CEACAM4: variants seen among roughly 807,000 people sequenced by gnomAD.
CEACAM4 encodes CEA cell adhesion molecule 4.
In CEACAM4, 30 loss-of-function variants were observed where a neutral mutation model predicts 28.7. The observed-to-expected ratio is 1.05, with a 90% CI of 0.78 to 1.42. The LOEUF is 1.42. CEACAM4 is among the 40% of genes most tolerant of loss of function. CEACAM4 has a pLI of 0.00. For missense variants in CEACAM4, 330 were observed against 308.2 expected (o/e 1.07, Z -0.53); for synonymous variants, 143 against 126.5 (o/e 1.13, Z -0.87).
At chr19:41,625,497 G>T in intron 2 of CEACAM4, 104 bp downstream of exon 2, 1 of 1,377,784 alleles carries the variant, frequency 7.3e-7, no homozygotes, top group Non-Finnish European at 9.9e-7. Context: ...CTCAACACGG[G>T]ACAAAATGCA....
downstream of CEACAM4, among the ~76,000 whole-genome samples, chr19:41,616,880 G>A (rs782359856): frequency 6.6e-6 from 1 of 152,178 alleles, no homozygotes; most frequent in Non-Finnish European, 1.5e-5. Flanking sequence ...TCACCATGAG[G>A]CCAAAGCAGG....
At chr19:41,618,229 G>A (rs376087053), downstream of CEACAM4, among the ~76,000 whole-genome samples, 1 of 152,156 alleles carries the variant, frequency 6.6e-6, no homozygotes, top group African/African-American at 2.4e-5. Flanking sequence ...TTGTCCCATC[G>A]CCATGGGAGC....
rs1041993 is a variant in CEACAM4, at chr19:41,619,289, G to A, written c.*41C>T. Reference sequence around the variant, plus strand: ...CCCGTCCCCAGGGCTGGGAGCTTCGGGGACGCTCCATCAACCCACAAGAGC... The same window carrying A: ...CCCGTCCCCAGGGCTGGGAGCTTCGAGGACGCTCCATCAACCCACAAGAGC... On this transcript the variant is annotated 3_prime_UTR_variant, in exon 7 of 7. Transcript: ENST00000221954. 8.9e-5 allele frequency: 139 copies of A among 1,553,844 alleles called. No individual in the cohort carries two copies. Among genetic ancestry groups the A allele is most frequent in the Admixed American group, 2.3e-4 (14 of 59,748 alleles).
downstream of CEACAM4, among the ~76,000 whole-genome samples, chr19:41,616,436 A>G (rs1346529331): frequency 6.6e-6 from 1 of 152,086 alleles, no homozygotes; most frequent in Non-Finnish European, 1.5e-5. Flanking sequence ...TGTTCATAGT[A>G]TGCAGTTTTG....
At chr19:41,626,063 A>AGTGTGTGTGTGT (rs61710351) in intron 1 of CEACAM4, 103 bp from the exon 2 acceptor site, 35 of 653,404 alleles carry the variant, frequency 5.4e-5, no homozygotes, top group African/African-American at 3.4e-4. Flanking sequence ...TCAGCCTTGG[A>AGTGTGTGTGTGT]GTGTGTGTGT....
chr19:41,616,528 GATAGA>G, downstream of CEACAM4, among the ~76,000 whole-genome samples: 1 of 150,566 alleles, frequency 6.6e-6, no homozygotes. Flanking sequence ...TAGATAGATA[GATAGA>G]TAGATAGATA....
downstream of CEACAM4, among the ~76,000 whole-genome samples, chr19:41,618,462 C>T (rs2071049650): frequency 6.6e-6 from 1 of 152,138 alleles, no homozygotes; most frequent in Non-Finnish European, 1.5e-5. Context: ...TAAAGATGTC[C>T]TGAGCAGTAG....
downstream of CEACAM4, among the ~76,000 whole-genome samples, chr19:41,614,770 A>C (rs1568637844): frequency 6.6e-6 from 1 of 152,138 alleles, no homozygotes; most frequent in South Asian, 2.1e-4. Context: ...CAAGGCTGAC[A>C]GTGAGTGGTG....
rs572811838 is a variant in CEACAM4 at position 41,620,302 on chromosome 19, G to C, written c.596-60C>G. On this transcript the variant is annotated intron_variant, in intron 4 of 6. Transcript: ENST00000221954. ...GAGGAGAGCCTGGGCCCCTCCTGCAGGAGAGTGTAGGGGTCCTCAGCTCCC... is the reference window on the plus strand; with the variant it reads ...GAGGAGAGCCTGGGCCCCTCCTGCACGAGAGTGTAGGGGTCCTCAGCTCCC... The C allele has an allele frequency of 2.7e-5, 37 of 1,354,072 alleles. No homozygotes were observed. In the East Asian group the frequency reaches 7.3e-4, roughly 27 times the overall value. 83.9% of individuals were successfully genotyped at this position (1,354,072 alleles called of 1,614,324 possible). A position where few individuals can be genotyped will look rare whatever the true frequency, so the allele number is the denominator to read the frequency against.
At position 41,621,742 on chromosome 19, in the gene CEACAM4, C is replaced by G. The variant is rs782105663; in HGVS notation, c.451G>C (p.Gly151Arg). 3 of 1,612,172 alleles carry G rather than the reference C, an allele frequency of 1.9e-6. No homozygotes were observed. The highest frequency in any genetic ancestry group is 1.7e-5 in the Admixed American group (1 of 59,966). The change falls in exon 3 of 7, where the codon GGG (glycine) becomes CGG (arginine). Residue 151 changes from glycine (G) to arginine (R), a missense_variant. Gly to Arg is a moderately radical substitution (Grantham distance 125, BLOSUM62 -2). Transcript: ENST00000221954. ...HQNNVPGLPV[G>R]AVAGIVTGVL... The stretch of plus-strand genomic sequence containing the variant: ...CCAGTCACGATGCCAGCGACGGCCC[C>G]CACAGGAAGGCCTGGGACGTTGTTT...
chr19:41,615,448 C>T (rs1489447572), downstream of CEACAM4, among the ~76,000 whole-genome samples: 4 of 152,078 alleles, frequency 2.6e-5, no homozygotes, highest in East Asian at 1.9e-4. Flanking sequence ...TTGTCAGACA[C>T]GTGCCTTGGG....
intron 5 of CEACAM4, 146 bp downstream of exon 5, chr19:41,620,065 G>A (rs942577088): frequency 3.9e-5 from 29 of 744,356 alleles, no homozygotes; most frequent in African/African-American, 5.6e-5. Context: ...AGAGAGGCCC[G>A]GATCCTGGCC....
intron 2 of CEACAM4, among the ~76,000 whole-genome samples, chr19:41,625,393 G>A (rs1259256582): frequency 1.3e-5 from 2 of 151,720 alleles, no homozygotes; most frequent in African/African-American, 2.4e-5. Flanking sequence ...CCCCGCCCCC[G>A]CCATCAGTGT....
At chr19:41,626,737 T>C (rs570667145) in intron 1 of CEACAM4, among the ~76,000 whole-genome samples, 163 bp downstream of exon 1, 5 of 152,238 alleles carry the variant, frequency 3.3e-5, no homozygotes, top group East Asian at 3.9e-4. Context: ...CCTGCCCCTC[T>C]CTGATGTTCT....
At chr19:41,624,867 T>A (rs1555803166) in intron 2 of CEACAM4, among the ~76,000 whole-genome samples, 1 of 152,202 alleles carries the variant, frequency 6.6e-6, no homozygotes, top group African/African-American at 2.4e-5. Flanking sequence ...ATCAACAGCA[T>A]CTGTTATTTG....
rs2071216189 is a variant in CEACAM4 at position 41,620,591 on chromosome 19, G to A, written c.579C>T (p.Pro193=). 1.9e-6 allele frequency: 3 copies of A among 1,612,946 alleles called. No individual in the cohort carries two copies. The highest frequency in any genetic ancestry group is 1.7e-6 in the Non-Finnish European group (2 of 1,179,302). ...SIQRDLREQP[P]PASTPGHGPS... ...GACACTCACCAGGGGTGGAGGCTGGGGGCGGCTGCTCCCTGAGGTCACGCT... is the reference window on the plus strand; with the variant it reads ...GACACTCACCAGGGGTGGAGGCTGGAGGCGGCTGCTCCCTGAGGTCACGCT... Residue 193 remains proline, a synonymous_variant, in exon 4 of 7, where the codon CCC becomes CCT. Coordinates refer to ENST00000221954, the MANE Select transcript of CEACAM4 (RefSeq NM_001817.4).
downstream of CEACAM4, among the ~76,000 whole-genome samples, chr19:41,617,281 A>T (rs374174732): frequency 3.3e-5 from 5 of 152,302 alleles, no homozygotes; most frequent in African/African-American, 1.2e-4. Context: ...TACTAGGGGC[A>T]TGGAGAGCCC....
chr19:41,621,369 TCTCCCTCCCTCC>T (rs1173233796), intron 3 of CEACAM4, among the ~76,000 whole-genome samples: 4 of 151,878 alleles, frequency 2.6e-5, no homozygotes, highest in Admixed American at 2.0e-4. Flanking sequence ...TCCCGTCTTA[TCTCCCTCCCTCC>T]CTCCCTCCCT....
At position 41,625,621 on chromosome 19, in the gene CEACAM4, G is replaced by A; in HGVS notation, c.404C>T (p.Thr135Ile). 3 of 1,581,822 alleles carry A rather than the reference G, an allele frequency of 1.9e-6. No homozygotes were observed. Among genetic ancestry groups the A allele is most frequent in the Non-Finnish European group, 1.7e-6 (2 of 1,162,334 alleles). The change falls in exon 2 of 7, where the codon ACT (threonine) becomes ATT (isoleucine). Residue 135 changes from threonine (T) to isoleucine (I), a missense_variant. Coordinates refer to ENST00000221954, the MANE Select transcript of CEACAM4 (RefSeq NM_001817.4). Reference sequence around the variant, plus strand: ...CTCACGGTGTACGTGGAGCTGGCCAGTTGCTTGGTCAGAGTCGTAACTGGC... The same window carrying A: ...CTCACGGTGTACGTGGAGCTGGCCAATTGCTTGGTCAGAGTCGTAACTGGC... ...INASYDSDQA[T>I]GQLHVHQNNV...
Sources: gnomAD v4.1 joint callset for allele counts (sites outside exome capture counted in the v4.1 genomes callset) on GRCh38, gnomAD v4.1.1 for gene constraint, MANE v1.5 for transcripts, NCBI Gene and HGNC (gene_info 2026-07-23, HGNC 2026-07-21) for gene names.